The following DNMT3B variants were observed in gnomAD, a reference collection of about 807,000 sequenced individuals.
DNMT3B encodes the protein DNA methyltransferase 3 beta.
DNMT3B carries 37 observed loss-of-function variants against 120.2 expected under a neutral mutation model. That is an observed-to-expected ratio of 0.31 (90% CI 0.24 to 0.40). The LOEUF (loss-of-function observed/expected upper bound fraction) is 0.40, where lower values mean the gene tolerates loss of function less well. DNMT3B is among the 10% of genes least tolerant of loss of function. DNMT3B has a pLI of 1.00. For missense variants in DNMT3B, 878 were observed against 1,137.3 expected (o/e 0.77, Z 3.28); for synonymous variants, 412 against 442.8 (o/e 0.93, Z 0.87).
At chr20:32,807,709 C>T (rs1982120040) in intron 22 of DNMT3B, 53 bp from the exon 23 acceptor site, 2 of 1,611,376 alleles carry the variant, frequency 1.2e-6, no homozygotes, top group South Asian at 1.1e-5. Flanking sequence ...TTGAGGCTGT[C>T]AACATCCTGG....
chr20:32,800,237 C>A lies in DNMT3B; in HGVS notation c.1844C>A (p.Thr615Asn), dbSNP rs138244100. Residue 615 changes from threonine (T) to asparagine (N), a missense_variant, in exon 17 of 23, where the codon ACC becomes AAC. Around this residue, in one of 4 missense-constraint regions of DNMT3B, gnomAD observed 334 missense variants for 518.8 expected, o/e 0.64. Coordinates refer to ENST00000328111, the MANE Select transcript of DNMT3B (RefSeq NM_006892.4). ...TGTGAGGAGTCCATTGCTGTTGGAA[C>A]CGTGAAGCACGAGGGGAATATCAAA... Reference protein sequence around the residue: ...EVCEESIAVGTVKHEGNIKYV... With the variant: ...EVCEESIAVGNVKHEGNIKYV... 3.0e-5 allele frequency: 48 copies of A among 1,614,076 alleles called. No homozygotes were observed. The highest frequency in any genetic ancestry group is 3.8e-5 in the Non-Finnish European group (45 of 1,180,058).
intron 1 of DNMT3B, 163 bp from the exon 2 acceptor site, chr20:32,780,155 A>G: frequency 6.2e-7 from 1 of 1,613,422 alleles, no homozygotes; most frequent in East Asian, 2.2e-5. Flanking sequence ...GGTGAGGGGG[A>G]GGCTATGGGG....
rs755306673 is a variant in DNMT3B at position 32,789,511 on chromosome 20, T to G, written c.813+499T>G. ...TGATTGATTCTAGCCTTTTAAAATC[T>G]TTCTTGGTAATGACATTTAGCTGGG... On this transcript the variant is annotated intron_variant, in intron 7 of 22. Transcript: ENST00000328111. Among the ~76,000 whole-genome samples the G allele has an allele frequency of 2.9e-4, 44 of 152,368 alleles. No individual in the cohort carries two copies. In the Middle Eastern group the frequency reaches 0.014, roughly 47 times the overall value.
chr20:32,784,850 A>C lies in DNMT3B; in HGVS notation c.297A>C (p.Glu99Asp). 1 of 1,614,134 alleles carries C rather than the reference A, an allele frequency of 6.2e-7. No individual in the cohort carries two copies. The highest frequency in any genetic ancestry group is 8.5e-7 in the Non-Finnish European group (1 of 1,180,042). Residue 99 changes from glutamate (E) to aspartate (D), a missense_variant, in exon 4 of 23, where the codon GAA (glutamate) becomes GAC (aspartate). By Grantham distance (45) the Glu-to-Asp change is conservative. This residue lies in a region of DNMT3B where 287 missense variants were observed against 306.2 expected (regional missense o/e 0.94). Coordinates refer to ENST00000328111, the MANE Select transcript of DNMT3B (RefSeq NM_006892.4). ...TCCGGGAAACCAGGACTCGTTCAGAAAGCCCAGCTGTAAGTAGCCACACCT... is the reference window on the plus strand; with the variant it reads ...TCCGGGAAACCAGGACTCGTTCAGACAGCCCAGCTGTAAGTAGCCACACCT... ...KLFRETRTRS[E>D]SPAVRTRNNN...
Position 32,808,921 on chromosome 20 carries a change from T to TTC in DNMT3B, c.*1021_*1022dup. ...ACAGCAGTCAGGGACAGACATACAT[T>TTC]TCTCATACCTTCCCCACATCTGAGA... On this transcript the variant is annotated 3_prime_UTR_variant, in exon 23 of 23. Coordinates refer to ENST00000328111, the MANE Select transcript of DNMT3B (RefSeq NM_006892.4). 4.5e-6 allele frequency: 1 copy of TTC among 221,618 alleles called. No individual in the cohort carries two copies. The highest frequency in any genetic ancestry group is 2.2e-5 in the African/African-American group (1 of 44,740). The allele number at this position is 221,618 out of a possible 1,614,324, so 13.7% of individuals were successfully genotyped here. A position where few individuals can be genotyped will look rare whatever the true frequency, so the allele number is the denominator to read the frequency against.
chr20:32,781,235 G>A, intron 2 of DNMT3B, 118 bp from the exon 3 acceptor site: 1 of 988,250 alleles, frequency 1.0e-6, no homozygotes, highest in South Asian at 1.3e-5. Context: ...CCCTGTGGCT[G>A]ACAATAGTGT....
At chr20:32,766,871 C>A (rs1404798328) in intron 1 of DNMT3B, among the ~76,000 whole-genome samples, 1 of 151,000 alleles carries the variant, frequency 6.6e-6, no homozygotes, top group Non-Finnish European at 1.5e-5. Flanking sequence ...AGCCAACACA[C>A]CCAAATTCAA....
chr20:32,785,594 TAC>T (rs1407671818), intron 4 of DNMT3B, among the ~76,000 whole-genome samples: 5 of 152,222 alleles, frequency 3.3e-5, no homozygotes, highest in Non-Finnish European at 5.9e-5. Flanking sequence ...AGGTGTGGGT[TAC>T]AGTCTTCCCT....
intron 14 of DNMT3B, 45 bp downstream of exon 14, chr20:32,797,344 G>C (rs560586987): frequency 1.3e-6 from 2 of 1,581,290 alleles, no homozygotes; most frequent in Non-Finnish European, 1.7e-6. Context: ...GGCCCCCAAG[G>C]CTCCTACGTT....
intron 2 of DNMT3B, among the ~76,000 whole-genome samples, chr20:32,781,083 C>A (rs1265308583): frequency 6.6e-6 from 1 of 152,228 alleles, no homozygotes; most frequent in Non-Finnish European, 1.5e-5. Flanking sequence ...ATGGGCAGCA[C>A]CCTGCTGGAA....
intron 1 of DNMT3B, among the ~76,000 whole-genome samples, chr20:32,763,786 GGA>G (rs1987125093): frequency 6.6e-6 from 1 of 152,222 alleles, no homozygotes. Flanking sequence ...CCCTGGTCTA[GGA>G]GAGAGGCTCG....
Position 32,784,736 on chromosome 20 carries a change from T to TTCATCA in DNMT3B, c.205-20_205-15dup, listed in dbSNP as rs372922110. 3.7e-3 allele frequency: 5,905 copies of TTCATCA among 1,613,636 alleles called. 229 individuals are homozygous for TTCATCA. In the South Asian group the frequency reaches 0.061, roughly 17 times the overall value. On this transcript the variant is annotated intron_variant, in intron 3 of 22. Coordinates refer to ENST00000328111, the MANE Select transcript of DNMT3B (RefSeq NM_006892.4). ...CTGATACCCTGGGGTCTTCATCATG[T>TTCATCA]TCATCATGTTTCCTTATAAAGGACT...
At chr20:32,804,684 CTTTTT>C (rs537765800) in intron 20 of DNMT3B, among the ~76,000 whole-genome samples, 5 of 112,666 alleles carry the variant, frequency 4.4e-5, no homozygotes, top group African/African-American at 9.6e-5. Flanking sequence ...GGTGCTTAGT[CTTTTT>C]TTTTTTTTTT....
intron 22 of DNMT3B, among the ~76,000 whole-genome samples, chr20:32,806,839 A>G (rs998169829): frequency 6.6e-6 from 1 of 151,948 alleles, no homozygotes; most frequent in African/African-American, 2.4e-5. Flanking sequence ...TGCTTATACT[A>G]TTTTTTAAAA....
rs6119971 is a variant in DNMT3B, at chr20:32,807,978, C to G, written c.*75C>G. The G allele has an allele frequency of 1.5e-3, 2,479 of 1,610,836 alleles. 32 individuals carry two copies. In the African/African-American group the frequency reaches 0.029, roughly 19 times the overall value. On this transcript the variant is annotated 3_prime_UTR_variant, in exon 23 of 23. Transcript: ENST00000328111. ...AGGAGGTGTGATTCCTGAAGGCATC[C>G]CCAGGCCCTGCTCTTCCTCAGCTGT... is the stretch of plus-strand genomic sequence containing the variant.
At chr20:32,772,178 C>T (rs1987784441) in intron 1 of DNMT3B, among the ~76,000 whole-genome samples, 1 of 152,154 alleles carries the variant, frequency 6.6e-6, no homozygotes, top group Non-Finnish European at 1.5e-5. Context: ...AACCCCCTTG[C>T]ACAGAGGCCT....
At chr20:32,772,493 C>G (rs139637372) in intron 1 of DNMT3B, among the ~76,000 whole-genome samples, 61 of 152,246 alleles carry the variant, frequency 4.0e-4, no homozygotes, top group African/African-American at 1.4e-3. Flanking sequence ...GGGCTGTTGG[C>G]TCTGATTTTG....
At chr20:32,802,955 C>T (rs772475825) in intron 20 of DNMT3B, among the ~76,000 whole-genome samples, 20 of 152,200 alleles carry the variant, frequency 1.3e-4, no homozygotes, top group Admixed American at 7.9e-4. Context: ...CTCTCCTCCC[C>T]GTTGATGTAG....
chr20:32,807,905 T>A lies in DNMT3B; in HGVS notation c.*2T>A, dbSNP rs375334650. On this transcript the variant is annotated 3_prime_UTR_variant, in exon 23 of 23. Transcript: ENST00000328111. ...AAGGACTACTTTGCATGTGAATAGT[T>A]CCAGCCAGGCCCCAAGCCCACTGGG... 1 of 1,614,040 alleles carries A rather than the reference T, an allele frequency of 6.2e-7. No homozygotes were observed. Among genetic ancestry groups the A allele is most frequent in the African/African-American group, 1.3e-5 (1 of 74,920 alleles).
Sources: allele counts gnomAD v4.1 joint callset (sites outside exome capture counted in the v4.1 genomes callset), GRCh38; gene constraint gnomAD v4.1.1; regional missense constraint gnomAD v4.1.1; transcripts MANE v1.5; gene names NCBI Gene and HGNC (gene_info 2026-07-23, HGNC 2026-07-21).